LRP6: variants seen among roughly 807,000 people sequenced by gnomAD.
LRP6 encodes LDL receptor related protein 6, also known as low-density lipoprotein receptor-related protein 6.
LRP6 carries 43 observed loss-of-function variants against 184.1 expected under a neutral mutation model. The observed-to-expected ratio is 0.23, with a 90% CI of 0.18 to 0.30. The LOEUF is 0.30. Ranked by LOEUF, LRP6 falls within the 10% of genes least tolerant of loss-of-function variation. The pLI is 1.00. For synonymous variants in LRP6, 719 were observed against 684.9 expected, an observed-to-expected ratio of 1.05 and a Z score of -0.78; for missense variants, 1,571 against 2,005.3, an observed-to-expected ratio of 0.78 and a Z score of 4.14.
At chr12:12,180,044 A>G (rs1863304239) in intron 6 of LRP6, 63 bp from the exon 7 acceptor site, 10 of 1,381,248 alleles carry the variant, frequency 7.2e-6, no homozygotes, top group Non-Finnish European at 1.0e-5. Context: ...CAGATATTCT[A>G]AAGGTGAGAT....
chr12:12,183,164 C>G (rs991874633), intron 5 of LRP6, among the ~76,000 whole-genome samples: 1 of 152,178 alleles, frequency 6.6e-6, no homozygotes, highest in African/African-American at 2.4e-5. Context: ...CTCCCTGGCC[C>G]CCTTGCCAGG....
At chr12:12,215,089 G>T (rs1864306518) in intron 2 of LRP6, among the ~76,000 whole-genome samples, 1 of 152,204 alleles carries the variant, frequency 6.6e-6, no homozygotes, top group Admixed American at 6.5e-5. Flanking sequence ...AATACTTGTT[G>T]TCTCAGTCAC....
intron 7 of LRP6, among the ~76,000 whole-genome samples, chr12:12,173,549 C>T (rs1863100125): frequency 6.6e-6 from 1 of 151,976 alleles, no homozygotes; most frequent in Admixed American, 6.5e-5. Context: ...TGCCATGTTG[C>T]CCAGGCTTGT....
intron 1 of LRP6, among the ~76,000 whole-genome samples, chr12:12,253,362 A>C (rs569918220): frequency 6.6e-6 from 1 of 152,362 alleles, no homozygotes; most frequent in South Asian, 2.1e-4. Flanking sequence ...CACAAAAATC[A>C]AACTTCCTTG....
intron 15 of LRP6, among the ~76,000 whole-genome samples, chr12:12,145,513 CCCCTCCCT>C (rs565480325): frequency 3.5e-5 from 5 of 143,756 alleles, no homozygotes; most frequent in Admixed American, 7.0e-5. Flanking sequence ...TCTCCTCTCT[CCCCTCCCT>C]CCCTCCCTCC....
chr12:12,131,683 A>G, intron 18 of LRP6, 138 bp downstream of exon 18: 1 of 769,760 alleles, frequency 1.3e-6, no homozygotes, highest in Admixed American at 1.7e-5. Context: ...AATATGGAAC[A>G]TGGCACTATG....
intron 15 of LRP6, among the ~76,000 whole-genome samples, chr12:12,144,029 G>A (rs1162791304): frequency 1.3e-5 from 2 of 152,210 alleles, no homozygotes; most frequent in Non-Finnish European, 2.9e-5. Flanking sequence ...ACCGTAAAAA[G>A]AAAATTAATA....
chr12:12,188,113 G>C (rs545021961), intron 3 of LRP6, among the ~76,000 whole-genome samples: 2 of 151,608 alleles, frequency 1.3e-5, no homozygotes, highest in African/African-American at 4.8e-5. Flanking sequence ...TCGGAAGGCT[G>C]AGGCAGAGAA....
chr12:12,265,702 C>G (rs935213089), intron 1 of LRP6, among the ~76,000 whole-genome samples: 1 of 152,222 alleles, frequency 6.6e-6, no homozygotes, highest in Non-Finnish European at 1.5e-5. Flanking sequence ...ACAGCCATCA[C>G]AGCCATCTCA....
chr12:12,204,082 G>A (rs1039813876), intron 2 of LRP6, among the ~76,000 whole-genome samples: 4 of 151,946 alleles, frequency 2.6e-5, no homozygotes, highest in African/African-American at 9.7e-5. Flanking sequence ...CACCAATAAG[G>A]GAACAAACTG....
Position 12,138,801 on chromosome 12 carries a change from G to A in LRP6, c.3398-267C>T, listed in dbSNP as rs906932560. 5 of 1,449,194 alleles carry A rather than the reference G, an allele frequency of 3.5e-6. No homozygotes were observed. In the African/African-American group the frequency reaches 7.1e-5, roughly 21 times the overall value. 89.8% of individuals were successfully genotyped at this position (1,449,194 alleles called of 1,614,324 possible). A position where few individuals can be genotyped will look rare whatever the true frequency, so the allele number is the denominator to read the frequency against. On this transcript the variant is annotated intron_variant, in intron 15 of 22. Transcript: ENST00000261349. ...GAAATGTAGAAAAGAACTTAGAACAGTAGTTTGAAAAACCCTAACTTATAT... is the reference window on the plus strand; with the variant it reads ...GAAATGTAGAAAAGAACTTAGAACAATAGTTTGAAAAACCCTAACTTATAT...
chr12:12,134,367 T>C (rs1230626876), intron 17 of LRP6, among the ~76,000 whole-genome samples: 1 of 152,200 alleles, frequency 6.6e-6, no homozygotes, highest in Non-Finnish European at 1.5e-5. Flanking sequence ...GATAATAGTA[T>C]GATGTAGTCT....
rs1418436588 is a variant in LRP6 at position 12,120,022 on chromosome 12, T to TAC, written c.*1103_*1104insGT. The stretch of plus-strand genomic sequence containing the variant: ...ATATATATATATATATATATATATA[T>TAC]ATATATATATATATATATATAAATG... On this transcript the variant is annotated 3_prime_UTR_variant, in exon 23 of 23. Transcript: ENST00000261349. 1.1e-4 allele frequency: 12 copies of TAC among 113,016 alleles called. No homozygotes were observed. In the East Asian group the frequency reaches 2.9e-3, roughly 27 times the overall value. 7.0% of individuals were successfully genotyped at this position (113,016 alleles called of 1,614,324 possible).
intron 3 of LRP6, among the ~76,000 whole-genome samples, chr12:12,198,722 C>T (rs565287018): frequency 8.6e-5 from 13 of 151,694 alleles, no homozygotes; most frequent in African/African-American, 2.4e-4. Flanking sequence ...TTAGTAGAGA[C>T]GGGGTTTCAC....
chr12:12,147,653 A>G, intron 14 of LRP6, 97 bp from the exon 15 acceptor site: 1 of 1,063,498 alleles, frequency 9.4e-7, no homozygotes, highest in East Asian at 2.4e-5. Context: ...AGTATTTTTA[A>G]GTATTGTTTT....
intron 12 of LRP6, 37 bp downstream of exon 12, chr12:12,158,792 C>G: frequency 5.0e-6 from 8 of 1,597,836 alleles, no homozygotes; most frequent in Non-Finnish European, 6.9e-6. Context: ...GCTGCTTTCT[C>G]TCATTCTAGC....
At chr12:12,155,204 A>G (rs1489582941) in intron 12 of LRP6, 1 of 621,668 alleles carries the variant, frequency 1.6e-6, no homozygotes, top group Non-Finnish European at 3.0e-6. Context: ...TCAAACAAAC[A>G]AACAAACAAA....
intron 13 of LRP6, among the ~76,000 whole-genome samples, chr12:12,150,587 C>T (rs1208951078): frequency 6.6e-6 from 1 of 152,128 alleles, no homozygotes; most frequent in Admixed American, 6.6e-5. Flanking sequence ...ACGTAGGGGG[C>T]AGTCACAAAG....
At chr12:12,136,477 C>T (rs776765381) in intron 16 of LRP6, among the ~76,000 whole-genome samples, 2 of 152,208 alleles carry the variant, frequency 1.3e-5, no homozygotes, top group Admixed American at 6.5e-5. Context: ...CTTCCTCATA[C>T]ATGGGCTAAG....
Sources: gnomAD v4.1 joint callset for allele counts (sites outside exome capture counted in the v4.1 genomes callset) on GRCh38, gnomAD v4.1.1 for gene constraint, MANE v1.5 for transcripts, NCBI Gene and HGNC (gene_info 2026-07-23, HGNC 2026-07-21) for gene names.